The following PARD3 variants were observed in gnomAD, a reference collection of about 807,000 sequenced individuals.
PARD3 encodes par-3 family cell polarity regulator, also known as partitioning defective 3 homolog.
In PARD3, 75 loss-of-function variants were observed where a neutral mutation model predicts 155.4. The ratio of observed to expected loss-of-function variants is 0.48; its 90% confidence interval spans 0.40 to 0.58. The LOEUF is 0.58. Ranked by LOEUF, PARD3 falls within the 20% of genes least tolerant of loss-of-function variation. PARD3 has a pLI of 0.00. For missense variants in PARD3, 1,642 were observed against 1,721.7 expected, an observed-to-expected ratio of 0.95 and a Z score of 0.82; for synonymous variants, 576 against 610.5, an observed-to-expected ratio of 0.94 and a Z score of 0.83.
chr10:34,400,495 T>C (rs1843766023), intron 6 of PARD3, among the ~76,000 whole-genome samples: 1 of 152,146 alleles, frequency 6.6e-6, no homozygotes, highest in African/African-American at 2.4e-5. Context: ...ACATCAGAGG[T>C]CTAAGCAGTA....
At chr10:34,638,572 T>C (rs376184406) in intron 2 of PARD3, among the ~76,000 whole-genome samples, 1 of 152,312 alleles carries the variant, frequency 6.6e-6, no homozygotes, top group African/African-American at 2.4e-5. Flanking sequence ...CCATTTCCTC[T>C]GGGAAGTGCA....
At chr10:34,545,838 G>A (rs1005922318) in intron 2 of PARD3, among the ~76,000 whole-genome samples, 2 of 152,186 alleles carry the variant, frequency 1.3e-5, no homozygotes, top group African/African-American at 4.8e-5. Flanking sequence ...GATTACAGAT[G>A]TGAGCCACTG....
chr10:34,116,504 G>T (rs1946680939), intron 24 of PARD3, among the ~76,000 whole-genome samples: 1 of 152,136 alleles, frequency 6.6e-6, no homozygotes, highest in Non-Finnish European at 1.5e-5. Context: ...CTGACCTCCT[G>T]TTTGCTTTCT....
At chr10:34,493,186 T>C (rs1445389873) in intron 3 of PARD3, among the ~76,000 whole-genome samples, 5 of 152,146 alleles carry the variant, frequency 3.3e-5, no homozygotes, top group Non-Finnish European at 7.3e-5. Context: ...TCTCCTCATA[T>C]AAAAGCTAGT....
intron 22 of PARD3, among the ~76,000 whole-genome samples, chr10:34,261,041 G>C (rs1398226768): frequency 1.3e-5 from 2 of 152,116 alleles, no homozygotes; most frequent in Non-Finnish European, 2.9e-5. Flanking sequence ...TTCCATTAAG[G>C]TGTCCTCAGC....
intron 3 of PARD3, among the ~76,000 whole-genome samples, chr10:34,503,670 A>T (rs557225641): frequency 2.0e-5 from 3 of 152,360 alleles, no homozygotes; most frequent in African/African-American, 7.2e-5. Context: ...TGTGATGGCT[A>T]TTACATATTC....
intron 2 of PARD3, among the ~76,000 whole-genome samples, chr10:34,591,690 G>A (rs544471419): frequency 1.7e-4 from 26 of 152,248 alleles, no homozygotes; most frequent in Admixed American, 1.5e-3. Context: ...AGAATGCAAG[G>A]CCTTAATCCA....
In PARD3 at chr10:34,211,966, C is replaced by T. The variant is rs183216744; in HGVS notation, c.3419+57691G>A. 1.7e-3 allele frequency among the ~76,000 whole-genome samples: 257 copies of T among 151,820 alleles called. 1 individual carries two copies. Among genetic ancestry groups the T allele is most frequent in the African/African-American group, 5.6e-3 (231 of 41,388 alleles). ...CCTTCTTTCCATCAAGAGAAAAGGC[C>T]ACTTTTTGGTATATCACGTAAGATG... On this transcript the variant is annotated intron_variant, in intron 22 of 24. Coordinates refer to ENST00000374788, the MANE Select transcript of PARD3 (RefSeq NM_001184785.2).
chr10:34,699,199 C>G (rs2094228480), intron 1 of PARD3, among the ~76,000 whole-genome samples: 1 of 152,128 alleles, frequency 6.6e-6, no homozygotes, highest in Admixed American at 6.5e-5. Context: ...TAACATCATG[C>G]CAAGGCAAAT....
chr10:34,628,505 A>G (rs1191175935), intron 2 of PARD3, among the ~76,000 whole-genome samples: 3 of 152,238 alleles, frequency 2.0e-5, no homozygotes, highest in East Asian at 3.8e-4. Flanking sequence ...CCAATGCTCA[A>G]TGCTGTCCCA....
chr10:34,573,318 T>G (rs758714349), intron 2 of PARD3, among the ~76,000 whole-genome samples: 2 of 152,194 alleles, frequency 1.3e-5, no homozygotes, highest in Non-Finnish European at 1.5e-5. Context: ...ATCACACCAC[T>G]GCACTCCAGC....
chr10:34,162,769 G>A (rs918762611), intron 22 of PARD3, among the ~76,000 whole-genome samples: 1 of 152,102 alleles, frequency 6.6e-6, no homozygotes, highest in East Asian at 1.9e-4. Flanking sequence ...ACAAAAATTT[G>A]ACCTGATAGG....
intron 1 of PARD3, among the ~76,000 whole-genome samples, chr10:34,771,389 A>C (rs927825527): frequency 3.3e-5 from 5 of 152,168 alleles, no homozygotes; most frequent in Non-Finnish European, 2.9e-5. Context: ...GTGAGATTAA[A>C]GGGGTCCCAC....
chr10:34,180,908 C>T (rs1950239842), intron 22 of PARD3, among the ~76,000 whole-genome samples: 1 of 152,006 alleles, frequency 6.6e-6, no homozygotes, highest in African/African-American at 2.4e-5. Context: ...ACAGCAAGTG[C>T]AAAGGCCCTG....
chr10:34,684,778 T>TAC lies in PARD3; in HGVS notation c.222+11538_222+11539dup, dbSNP rs3087285. On this transcript the variant is annotated intron_variant, in intron 2 of 24. Transcript: ENST00000374788. ...TATAAGACTTTGGCTTGATGATACA[T>TAC]ACACACACACACACACACACACACA... 4.0e-3 allele frequency among the ~76,000 whole-genome samples: 481 copies of TAC among 119,074 alleles called. 2 individuals are homozygous for TAC. The highest frequency in any genetic ancestry group is 5.0e-3 in the African/African-American group (161 of 32,278). The allele number at this position is 119,074 out of a possible 152,430, so 78.1% of individuals were successfully genotyped here.
chr10:34,271,405 A>G (rs1955605175), intron 21 of PARD3, among the ~76,000 whole-genome samples: 1 of 152,216 alleles, frequency 6.6e-6, no homozygotes, highest in Non-Finnish European at 1.5e-5. Flanking sequence ...TCAATATTCA[A>G]AAATCAATTA....
intron 3 of PARD3, among the ~76,000 whole-genome samples, chr10:34,507,549 A>AAAAAAAAAAAAAC (rs1554880653): frequency 0.017 from 1,795 of 107,716 alleles, 63 homozygotes; most frequent in African/African-American, 0.07. Context: ...TTAAAAAAAC[A>AAAAAAAAAAAAAC]AAAAAAAAAA....
intron 24 of PARD3, among the ~76,000 whole-genome samples, chr10:34,115,837 C>T (rs947795221): frequency 1.3e-5 from 2 of 151,960 alleles, no homozygotes; most frequent in African/African-American, 4.8e-5. Flanking sequence ...CTCAGCCTCC[C>T]GAGTAGCTGG....
At chr10:34,284,838 T>TA (rs1429035631) in intron 20 of PARD3, among the ~76,000 whole-genome samples, 19 of 152,286 alleles carry the variant, frequency 1.2e-4, no homozygotes, top group African/African-American at 3.4e-4. Flanking sequence ...CTAAATGTGA[T>TA]AAAAAGCAAT....
Sources: allele counts gnomAD v4.1 joint callset (sites outside exome capture counted in the v4.1 genomes callset), GRCh38; gene constraint gnomAD v4.1.1; transcripts MANE v1.5; gene names NCBI Gene and HGNC (gene_info 2026-07-23, HGNC 2026-07-21).